ZC3H12B: variants seen among roughly 807,000 people sequenced by gnomAD.
ZC3H12B encodes zinc finger CCCH-type containing 12B, also known as probable ribonuclease ZC3H12B.
Under a neutral mutation model 43.9 loss-of-function variants are expected in ZC3H12B, and 7 were observed. That is an observed-to-expected ratio of 0.16 (90% CI 0.09 to 0.30). The LOEUF (loss-of-function observed/expected upper bound fraction) is 0.30. Among genes scored for constraint, ZC3H12B ranks in the 10% least tolerant of loss-of-function variants. The pLI is 1.00. For missense variants in ZC3H12B, 475 were observed against 670.2 expected, an observed-to-expected ratio of 0.71 and a Z score of 3.22; for synonymous variants, 222 against 241.7, an observed-to-expected ratio of 0.92 and a Z score of 0.76.
At chrX:65,157,277 T>A in the ZC3H12B span, among the ~76,000 whole-genome samples, 1 of 112,410 alleles carries the variant, frequency 8.9e-6, no homozygotes, top group African/African-American at 3.2e-5. Flanking sequence ...CACCACTCAT[T>A]CTTTTTATTA....
the ZC3H12B span, among the ~76,000 whole-genome samples, chrX:65,279,742 C>T: frequency 8.9e-6 from 1 of 112,005 alleles, no homozygotes; most frequent in African/African-American, 3.2e-5. Context: ...GAACTTAAGA[C>T]CTTCTGCACA....
chrX:65,438,992 A>C (rs1216654070), intron 3 of ZC3H12B, among the ~76,000 whole-genome samples: 1 of 112,801 alleles, frequency 8.9e-6, no homozygotes, highest in Non-Finnish European at 1.9e-5. Context: ...CAGCTTTGTC[A>C]TGGTGAGCTA....
chrX:65,427,712 T>A (rs762821028), intron 3 of ZC3H12B, among the ~76,000 whole-genome samples: 31 of 111,906 alleles, frequency 2.8e-4, no homozygotes, highest in Non-Finnish European at 5.6e-4. Context: ...TCTTGGCCCT[T>A]TATGTAGCTT....
chrX:65,149,200 C>A, the ZC3H12B span, among the ~76,000 whole-genome samples: 6 of 111,249 alleles, frequency 5.4e-5, no homozygotes, highest in African/African-American at 1.6e-4. Context: ...CCCTATGAGA[C>A]ATCTACCTGT....
chrX:65,119,477 A>G, the ZC3H12B span, among the ~76,000 whole-genome samples: 1 of 111,570 alleles, frequency 9.0e-6, no homozygotes, highest in East Asian at 2.8e-4. Context: ...CATATCCTTC[A>G]TTCACTTTTT....
chrX:65,134,970 T>C, the ZC3H12B span, among the ~76,000 whole-genome samples: 1 of 110,888 alleles, frequency 9.0e-6, no homozygotes, highest in Non-Finnish European at 1.9e-5. Context: ...CATAAGGTAA[T>C]GTCGTCAGTT....
chrX:65,092,605 C>G, the ZC3H12B span, among the ~76,000 whole-genome samples: 1 of 111,746 alleles, frequency 8.9e-6, no homozygotes, highest in South Asian at 3.7e-4. Context: ...ATGTAGGGAT[C>G]TGTGGAAATT....
chrX:65,443,382 C>T (rs73213340), intron 3 of ZC3H12B, among the ~76,000 whole-genome samples: 3 of 110,951 alleles, frequency 2.7e-5, no homozygotes, highest in Non-Finnish European at 3.8e-5. Context: ...ACCTAGAGGC[C>T]GACCCTAACC....
Position 65,369,779 on chromosome X carries a change from G to A in ZC3H12B, n.295+781G>A, listed in dbSNP as rs769804126. On this transcript the variant is annotated intron_variant and non_coding_transcript_variant, in intron 2 of 5. Transcript: ENST00000617377. ...AATTTCCAGAATAAGTGTATCCTTT[G>A]TAAGTGTAGAATCAAGCCTTTCCAA... Among the ~76,000 whole-genome samples, 5 of 111,580 alleles carry A rather than the reference G, an allele frequency of 4.5e-5. No individual in the cohort carries two copies. The South Asian group carries it at 1.1e-3, about 25-fold the overall frequency.
the ZC3H12B span, among the ~76,000 whole-genome samples, chrX:65,159,675 A>T: frequency 1.8e-5 from 2 of 111,730 alleles, no homozygotes; most frequent in African/African-American, 3.2e-5. Flanking sequence ...GAGACAATGG[A>T]GTTTTCTAGA....
At chrX:65,377,966 G>A in intron 2 of ZC3H12B, among the ~76,000 whole-genome samples, 1 of 110,594 alleles carries the variant, frequency 9.0e-6, no homozygotes, top group Non-Finnish European at 1.9e-5. Flanking sequence ...GGGCATGGTG[G>A]CTGGTGCCAG....
the ZC3H12B span, chrX:65,330,886 G>T: frequency 8.8e-6 from 2 of 228,555 alleles, no homozygotes; most frequent in East Asian, 1.1e-4. Flanking sequence ...CCATTTCCAG[G>T]TTTTTTCTCT....
the ZC3H12B span, among the ~76,000 whole-genome samples, chrX:65,171,982 G>C: frequency 8.9e-5 from 10 of 112,513 alleles, no homozygotes; most frequent in South Asian, 3.7e-3. Context: ...CCGACCCCTT[G>C]CACTTCCTGG....
exon 5 of ZC3H12B, chrX:65,502,819 C>A: frequency 8.3e-7 from 1 of 1,210,035 alleles, no homozygotes; most frequent in Non-Finnish European, 1.1e-6. Context: ...TTTCCGACTC[C>A]CGCCTCTATG....
chrX:65,489,034 G>A (rs755253273), exon 1 of ZC3H12B: 7 of 1,211,605 alleles, frequency 5.8e-6, no homozygotes, highest in Admixed American at 2.2e-5. Context: ...AAGCCACACC[G>A]CCAGCTCTGT....
chrX:65,269,716 T>C, the ZC3H12B span, among the ~76,000 whole-genome samples: 2 of 109,287 alleles, frequency 1.8e-5, no homozygotes, highest in African/African-American at 6.7e-5. Flanking sequence ...CCCAGGCTGG[T>C]CTTGAACTCC....
At chrX:65,213,908 T>C in the ZC3H12B span, among the ~76,000 whole-genome samples, 10 of 102,148 alleles carry the variant, frequency 9.8e-5, no homozygotes, top group South Asian at 2.4e-3. Context: ...TACATATATA[T>C]ACACACACAC....
chrX:65,184,591 G>A, the ZC3H12B span, among the ~76,000 whole-genome samples: 3 of 111,744 alleles, frequency 2.7e-5, no homozygotes, highest in South Asian at 1.1e-3. Flanking sequence ...TGTAAATTGA[G>A]AACAGAAACC....
the ZC3H12B span, among the ~76,000 whole-genome samples, chrX:65,220,250 C>T: frequency 9.0e-6 from 1 of 111,391 alleles, no homozygotes; most frequent in African/African-American, 3.3e-5. Flanking sequence ...CAGAATTTCC[C>T]TAAAGCATAA....
Sources: allele counts gnomAD v4.1 joint callset (sites outside exome capture counted in the v4.1 genomes callset), GRCh38; gene constraint gnomAD v4.1.1; transcripts MANE v1.5; gene names NCBI Gene and HGNC (gene_info 2026-07-23, HGNC 2026-07-21).